UBAP2: variants seen among roughly 807,000 people sequenced by gnomAD.
UBAP2 encodes ubiquitin-associated protein 2.
Under a neutral mutation model 139.6 loss-of-function variants are expected in UBAP2, and 75 were observed. The ratio of observed to expected loss-of-function variants is 0.54; its 90% CI spans 0.45 to 0.65. The LOEUF (loss-of-function observed/expected upper bound fraction) is 0.65. Among genes scored for constraint, UBAP2 ranks in the 30% least tolerant of loss-of-function variants. The probability of loss-of-function intolerance (pLI) is 0.00; values close to 1 mark genes in which losing one functional copy is unlikely to be tolerated. For synonymous variants in UBAP2, 526 were observed against 526.2 expected, an observed-to-expected ratio of 1.00 and a Z score of 0.01; for missense variants, 1,368 against 1,369.6, an observed-to-expected ratio of 1.00 and a Z score of 0.02.
At chr9:33,923,600 C>T (rs1937712331) in intron 24 of UBAP2, 122 bp from the exon 25 acceptor site, 1 of 1,100,722 alleles carries the variant, frequency 9.1e-7, no homozygotes, top group African/African-American at 1.5e-5. Context: ...CCTGTGTTTT[C>T]ATTAGTGCAA....
intron 4 of UBAP2, chr9:33,995,409 GTA>G (rs1006231174): frequency 1.5e-5 from 2 of 132,014 alleles, no homozygotes; most frequent in African/African-American, 2.9e-5. Flanking sequence ...TATATATAAA[GTA>G]TATATATTTA....
In UBAP2 at chr9:33,933,159, TCA is replaced by T. The variant is rs1824146522; in HGVS notation, c.2108+329_2108+330del. On this transcript the variant is annotated intron_variant, in intron 18 of 28. Coordinates refer to ENST00000379238, the MANE Select transcript of UBAP2 (RefSeq NM_001370062.2). ...AGAAATCCATCATTCTCATTCCACCTCAGTGACATGGGCCCAGCGATGCCCAG... is the reference window on the plus strand; with the variant it reads ...AGAAATCCATCATTCTCATTCCACCTGTGACATGGGCCCAGCGATGCCCAG... Among the ~76,000 whole-genome samples the T allele has an allele frequency of 2.0e-5, 3 of 152,228 alleles. No homozygotes were observed. In the South Asian group the frequency reaches 6.2e-4, roughly 32 times the overall value.
At chr9:34,029,308 C>T (rs1410594137) in intron 1 of UBAP2, among the ~76,000 whole-genome samples, 4 of 151,508 alleles carry the variant, frequency 2.6e-5, no homozygotes, top group African/African-American at 4.9e-5. Flanking sequence ...GGGTGGATCA[C>T]CAGAAGGTCA....
chr9:33,967,837 C>T (rs1001922030), intron 8 of UBAP2, among the ~76,000 whole-genome samples: 3 of 152,128 alleles, frequency 2.0e-5, no homozygotes, highest in Non-Finnish European at 4.4e-5. Context: ...AAATGTCACT[C>T]AACATCATTG....
chr9:33,992,068 A>G (rs1821754661), intron 4 of UBAP2, among the ~76,000 whole-genome samples: 1 of 152,100 alleles, frequency 6.6e-6, no homozygotes, highest in South Asian at 2.1e-4. Context: ...CCTGGCCAAC[A>G]TGGTGAAACC....
intron 1 of UBAP2, among the ~76,000 whole-genome samples, chr9:34,018,407 GA>G (rs1824587552): frequency 6.7e-6 from 1 of 150,194 alleles, no homozygotes; most frequent in Non-Finnish European, 1.5e-5. Flanking sequence ...CTGCTGATGG[GA>G]ATTTAAAGTG....
chr9:33,998,550 G>A, intron 3 of UBAP2: 1 of 432,566 alleles, frequency 2.3e-6, no homozygotes, highest in Non-Finnish European at 4.1e-6. Flanking sequence ...ATGTTCACAT[G>A]TAAACACTAG....
rs776067164 is a variant in UBAP2, at chr9:33,923,483, G to T, written c.2797-5C>A. On this transcript the variant is annotated splice_polypyrimidine_tract_variant and splice_region_variant and intron_variant, in intron 24 of 28. Coordinates refer to ENST00000379238, the MANE Select transcript of UBAP2 (RefSeq NM_001370062.2). Reference sequence around the variant, plus strand: ...CTTGGCTGAGGCTGGAGGGACCTGGGGGGGCAAGCAGATGAGGTATTAGTG... The same window carrying T: ...CTTGGCTGAGGCTGGAGGGACCTGGTGGGGCAAGCAGATGAGGTATTAGTG... 3.7e-6 allele frequency: 6 copies of T among 1,613,856 alleles called. No individual in the cohort carries two copies. The highest frequency in any genetic ancestry group is 2.7e-5 in the African/African-American group (2 of 74,888).
chr9:34,003,190 G>A (rs577985139), intron 2 of UBAP2, among the ~76,000 whole-genome samples: 37 of 149,974 alleles, frequency 2.5e-4, no homozygotes, highest in Non-Finnish European at 3.0e-4. Context: ...ATGCCACCAC[G>A]CCCTGCTAAT....
At position 34,045,435 on chromosome 9, in the gene UBAP2, T is replaced by G. The variant is rs182365603; in HGVS notation, c.-42+3390A>C. Among the ~76,000 whole-genome samples, 1,252 of 152,062 alleles carry G rather than the reference T, an allele frequency of 8.2e-3. 14 individuals are homozygous for G. The highest frequency in any genetic ancestry group is 0.028 in the African/African-American group (1,149 of 41,474). On this transcript the variant is annotated intron_variant, in intron 1 of 28. Transcript: ENST00000379238. ...TCCATCCAGGCTGGATGAAGTCCAA[T>G]GGCACATGGCTCACAGCAACCTCCA...
chr9:34,035,514 A>AAAAAATATATATAT, intron 1 of UBAP2, among the ~76,000 whole-genome samples: 1,120 of 22,438 alleles, frequency 0.05, 164 homozygotes, highest in African/African-American at 0.13. Context: ...AAAAAAAAAA[A>AAAAAATATATATAT]ATATATATAT....
At chr9:33,990,122 T>C (rs1348180880) in intron 4 of UBAP2, among the ~76,000 whole-genome samples, 2 of 152,040 alleles carry the variant, frequency 1.3e-5, no homozygotes, top group Non-Finnish European at 2.9e-5. Context: ...TAAGTGGATA[T>C]AAAAATTATC....
intron 4 of UBAP2, among the ~76,000 whole-genome samples, chr9:33,991,385 G>A (rs1040127105): frequency 4.6e-5 from 7 of 151,966 alleles, no homozygotes; most frequent in East Asian, 3.9e-4. Context: ...GAGGGGAGGC[G>A]GATTCCCAAA....
At chr9:33,973,307 T>C (rs1490829206) in intron 6 of UBAP2, 70 bp from the exon 7 acceptor site, 8 of 1,491,118 alleles carry the variant, frequency 5.4e-6, no homozygotes, top group African/African-American at 1.4e-5. Flanking sequence ...TCCTTCTTCA[T>C]CCTATACTCA....
chr9:33,935,550 A>G, intron 17 of UBAP2: 2 of 417,680 alleles, frequency 4.8e-6, no homozygotes, highest in Non-Finnish European at 8.6e-6. Context: ...TATGGGCATC[A>G]GCCACCCCGC....
At chr9:34,039,277 G>A (rs1342514768) in intron 1 of UBAP2, among the ~76,000 whole-genome samples, 1 of 151,512 alleles carries the variant, frequency 6.6e-6, no homozygotes, top group Admixed American at 6.6e-5. Flanking sequence ...AGAGGTGGGG[G>A]GGGCGCCTCT....
At chr9:34,036,283 A>G (rs1346977385) in intron 1 of UBAP2, among the ~76,000 whole-genome samples, 1 of 151,634 alleles carries the variant, frequency 6.6e-6, no homozygotes, top group Non-Finnish European at 1.5e-5. Flanking sequence ...TGCCCGGATA[A>G]TTTTTTATAA....
At chr9:33,935,605 G>A (rs1824426512) in intron 17 of UBAP2, 5 of 577,872 alleles carry the variant, frequency 8.7e-6, no homozygotes, top group Admixed American at 3.3e-5. Flanking sequence ...CTGCACTTGT[G>A]GTGCAGTCTG....
At chr9:34,016,359 GGCGGCA>G (rs376449506) in intron 2 of UBAP2, among the ~76,000 whole-genome samples, 18,040 of 78,694 alleles carry the variant, frequency 0.23, 2,128 homozygotes, top group Middle Eastern at 0.31. Context: ...AGGCAGCAGC[GGCGGCA>G]GCGGCGGTGG....
Sources: allele counts gnomAD v4.1 joint callset (sites outside exome capture counted in the v4.1 genomes callset), GRCh38; gene constraint gnomAD v4.1.1; transcripts MANE v1.5; gene names NCBI Gene and HGNC (gene_info 2026-07-23, HGNC 2026-07-21).